C6orf62: variants seen among roughly 807,000 people sequenced by gnomAD.
C6orf62 encodes chromosome 6 open reading frame 62.
A neutral mutation model predicts 26.8 loss-of-function variants in C6orf62; 16 were observed. The ratio of observed to expected loss-of-function variants is 0.60; its 90% CI spans 0.40 to 0.91. The LOEUF is 0.91. C6orf62 is among the 40% of genes least tolerant of loss of function. The pLI is 0.00. For missense variants in C6orf62, 192 were observed against 271.4 expected (o/e 0.71, Z 2.06); for synonymous variants, 112 against 91.5 (o/e 1.22, Z -1.28).
upstream of C6orf62, chr6:24,720,480 C>G (rs1164813223): frequency 1.2e-6 from 1 of 823,738 alleles, no homozygotes; most frequent in African/African-American, 1.8e-5. Flanking sequence ...AGGGGAAGGA[C>G]GCGGAGACAG....
At chr6:24,712,969 ACATGCCTTTTCTATTCCTGTTTT>A (rs1157310229) in intron 3 of C6orf62, among the ~76,000 whole-genome samples, 1 of 152,224 alleles carries the variant, frequency 6.6e-6, no homozygotes, top group Non-Finnish European at 1.5e-5. Context: ...AGAACTTTAA[ACATGCCTTTTCTATTCCTGTTTT>A]CATGCCTTTT....
At chr6:24,719,976 A>T, upstream of C6orf62, 2 of 1,545,980 alleles carry the variant, frequency 1.3e-6, no homozygotes, top group Admixed American at 2.0e-5. Flanking sequence ...TGGGGGAAAA[A>T]AAGAAAATAA....
intron 1 of C6orf62, 144 bp from the exon 2 acceptor site, chr6:24,716,468 T>C: frequency 3.3e-6 from 2 of 613,434 alleles, no homozygotes; most frequent in East Asian, 2.8e-5. Context: ...CATTTTCAGA[T>C]AGGTAATTCC....
At chr6:24,712,208 C>T (rs965465549) in intron 3 of C6orf62, among the ~76,000 whole-genome samples, 1 of 151,850 alleles carries the variant, frequency 6.6e-6, no homozygotes. Flanking sequence ...AGCAAAACTC[C>T]GTCTCTACAA....
At position 24,705,974 on chromosome 6, in the gene C6orf62, T is replaced by C; in HGVS notation, c.*163A>G. 1 of 1,097,590 alleles carries C rather than the reference T, an allele frequency of 9.1e-7. No individual in the cohort carries two copies. Among genetic ancestry groups the C allele is most frequent in the Admixed American group, 3.1e-5 (1 of 32,392 alleles). The allele number at this position is 1,097,590 out of a possible 1,614,324, so 68.0% of individuals were successfully genotyped here. A position where few individuals can be genotyped will look rare whatever the true frequency, so the allele number is the denominator to read the frequency against. On this transcript the variant is annotated 3_prime_UTR_variant, in exon 5 of 5. Transcript: ENST00000378119. ...TCTAATTTTTGTTTAAGTTCTGAGA[T>C]AAAAATGATTTAAAAAAATCCAGGA...
chr6:24,719,360 G>A (rs1246319560), upstream of C6orf62: 2 of 1,004,522 alleles, frequency 2.0e-6, no homozygotes, highest in Non-Finnish European at 2.4e-6. Flanking sequence ...TGAGCATAGA[G>A]AAAAGTGCAA....
chr6:24,714,276 T>C (rs765495607), intron 3 of C6orf62, 42 bp downstream of exon 3: 1 of 1,521,574 alleles, frequency 6.6e-7, no homozygotes, highest in Non-Finnish European at 8.9e-7. Flanking sequence ...TTCTAGTAGT[T>C]TTCACATATT....
At chr6:24,718,342 G>A (rs1306450830) in intron 1 of C6orf62, among the ~76,000 whole-genome samples, 198 bp downstream of exon 1, 1 of 151,786 alleles carries the variant, frequency 6.6e-6, no homozygotes, top group African/African-American at 2.4e-5. Flanking sequence ...CCAAACCAAA[G>A]AACGCTCAAG....
At chr6:24,719,672 A>G (rs1779314417), upstream of C6orf62, 1 of 1,468,276 alleles carries the variant, frequency 6.8e-7, no homozygotes, top group Admixed American at 2.5e-5. Flanking sequence ...TACATTCCCC[A>G]AGGGAGACTT....
At chr6:24,719,524 G>A (rs535474207), upstream of C6orf62, 23 of 1,155,590 alleles carry the variant, frequency 2.0e-5, no homozygotes, top group Middle Eastern at 3.6e-4. Flanking sequence ...ACCCTCAGGC[G>A]GCTGCTAACG....
rs1230418514 is a variant in C6orf62 at position 24,704,885 on chromosome 6, G to A, written c.*1252C>T. The A allele has an allele frequency of 6.6e-6, 1 of 152,120 alleles. No homozygotes were observed. The highest frequency in any genetic ancestry group is 2.4e-5 in the African/African-American group (1 of 41,400). 9.4% of individuals were successfully genotyped at this position (152,120 alleles called of 1,614,324 possible). On this transcript the variant is annotated 3_prime_UTR_variant, in exon 5 of 5. Coordinates refer to ENST00000378119, the MANE Select transcript of C6orf62 (RefSeq NM_030939.5). ...CTTTGTGTATTCACCTGAATAGTCAGGGAACTTTCACCTATTTTATTTAGG... is the reference window on the plus strand; with the variant it reads ...CTTTGTGTATTCACCTGAATAGTCAAGGAACTTTCACCTATTTTATTTAGG...
In C6orf62 at chr6:24,716,160, C is replaced by A. The variant is rs1375063401; in HGVS notation, c.294G>T (p.Gln98His). The A allele has an allele frequency of 5.0e-6, 8 of 1,613,718 alleles. No homozygotes were observed. Among genetic ancestry groups the A allele is most frequent in the Non-Finnish European group, 6.8e-6 (8 of 1,179,828 alleles). ...AGGCAGAACTTACCCTTCTCATAGA[C>A]TGATATCGAGGAGCATGGAGCTGTA... The part of the protein sequence containing the change: ...DVVQLHAPRY[Q>H]SMRRDVIGCT... The change falls in exon 2 of 5, where the codon CAG (glutamine) becomes CAT (histidine). Residue 98 changes from glutamine to histidine, a missense_variant. Physicochemically the swap from Gln to His is conservative, Grantham distance 24. Coordinates refer to ENST00000378119, the MANE Select transcript of C6orf62 (RefSeq NM_030939.5).
At chr6:24,706,598 G>T (rs796391112) in intron 4 of C6orf62, 2 of 208,108 alleles carry the variant, frequency 9.6e-6, no homozygotes, top group Non-Finnish European at 2.0e-5. Flanking sequence ...ATAGAAGCTA[G>T]TGAGAGGATG....
At chr6:24,715,110 T>C (rs1386495815) in intron 2 of C6orf62, among the ~76,000 whole-genome samples, 1 of 152,252 alleles carries the variant, frequency 6.6e-6, no homozygotes, top group Non-Finnish European at 1.5e-5. Flanking sequence ...GAACTCCTAA[T>C]ATGAATCACT....
intron 3 of C6orf62, among the ~76,000 whole-genome samples, chr6:24,711,840 TAACC>T (rs1297710001): frequency 6.6e-6 from 1 of 152,168 alleles, no homozygotes; most frequent in Non-Finnish European, 1.5e-5. Flanking sequence ...CTTACAATAT[TAACC>T]TACTTACTGC....
At chr6:24,720,193 C>A (rs1779327491), upstream of C6orf62, 3 of 1,361,032 alleles carry the variant, frequency 2.2e-6, no homozygotes, top group Non-Finnish European at 9.4e-7. Context: ...CCTCCCTGTC[C>A]CCGCGGAGCC....
At chr6:24,720,093 G>C, upstream of C6orf62, 1 of 1,332,950 alleles carries the variant, frequency 7.5e-7, no homozygotes, top group East Asian at 3.2e-5. Context: ...TCCAGAGTTT[G>C]GATTGTTTAG....
intron 3 of C6orf62, chr6:24,709,266 C>A: frequency 1.0e-6 from 1 of 985,392 alleles, no homozygotes. Context: ...AAATGCTCTG[C>A]ATCAAAATGA....
chr6:24,719,972 A>G (rs201430445), upstream of C6orf62: 24 of 1,542,730 alleles, frequency 1.6e-5, no homozygotes, highest in East Asian at 2.4e-5. Flanking sequence ...TCAGTGGGGG[A>G]AAAAAAGAAA....
Sources: allele counts gnomAD v4.1 joint callset (sites outside exome capture counted in the v4.1 genomes callset), GRCh38; gene constraint gnomAD v4.1.1; transcripts MANE v1.5; gene names NCBI Gene and HGNC (gene_info 2026-07-23, HGNC 2026-07-21).